ZNF804B: variants seen among roughly 807,000 people sequenced by gnomAD.
The protein encoded by ZNF804B is zinc finger 804B.
ZNF804B carries 80 observed loss-of-function variants against 101.4 expected under a neutral mutation model. The observed-to-expected ratio is 0.79, with a 90% CI of 0.66 to 0.95. The LOEUF (loss-of-function observed/expected upper bound fraction) is 0.95. Ranked by LOEUF, ZNF804B falls within the 40% of genes least tolerant of loss-of-function variation. The pLI, the probability that ZNF804B is intolerant of heterozygous loss-of-function variation, is 0.00. For missense variants in ZNF804B, 1,673 were observed against 1,561.9 expected (o/e 1.07, Z -1.20); for synonymous variants, 622 against 558.8 (o/e 1.11, Z -1.59).
chr7:89,067,174 G>C (rs186947604), intron 1 of ZNF804B, among the ~76,000 whole-genome samples: 1 of 152,182 alleles, frequency 6.6e-6, no homozygotes, highest in Admixed American at 6.6e-5. Context: ...TGTATTATAA[G>C]GAATTGGCTT....
chr7:88,907,926 C>A (rs555095346), intron 1 of ZNF804B, among the ~76,000 whole-genome samples: 89 of 152,000 alleles, frequency 5.9e-4, no homozygotes, highest in African/African-American at 2.1e-3. Context: ...ACTGTATTGA[C>A]TATTTGACTA....
intron 1 of ZNF804B, among the ~76,000 whole-genome samples, chr7:88,782,107 G>A (rs1023371700): frequency 2.0e-5 from 2 of 97,952 alleles, no homozygotes; most frequent in East Asian, 4.3e-4. Context: ...GAGTGCGTGT[G>A]TGTGTGTGTG....
chr7:89,098,751 A>T (rs1790007908), intron 1 of ZNF804B, among the ~76,000 whole-genome samples: 1 of 152,112 alleles, frequency 6.6e-6, no homozygotes, highest in South Asian at 2.1e-4. Flanking sequence ...AAAACTTGTC[A>T]TTCCTTATTT....
intron 1 of ZNF804B, among the ~76,000 whole-genome samples, chr7:89,132,830 A>G (rs1790573984): frequency 6.6e-6 from 1 of 152,042 alleles, no homozygotes; most frequent in Non-Finnish European, 1.5e-5. Flanking sequence ...CCTAGGCTCA[A>G]TGCTTCGTGT....
intron 1 of ZNF804B, among the ~76,000 whole-genome samples, chr7:88,903,331 C>T (rs1214158283): frequency 6.6e-6 from 1 of 152,080 alleles, no homozygotes; most frequent in Non-Finnish European, 1.5e-5. Context: ...ATCTGTACCA[C>T]GTTTTCTTTA....
At chr7:89,108,824 C>T (rs545266957) in intron 1 of ZNF804B, among the ~76,000 whole-genome samples, 24 of 152,094 alleles carry the variant, frequency 1.6e-4, no homozygotes, top group Admixed American at 1.2e-3. Context: ...AGCAAAAGGG[C>T]AAGAGTTAGA....
chr7:89,281,181 T>C (rs1790088559), intron 2 of ZNF804B, among the ~76,000 whole-genome samples: 1 of 152,176 alleles, frequency 6.6e-6, no homozygotes, highest in Non-Finnish European at 1.5e-5. Context: ...TTGCTATAGA[T>C]GATAAGTTGG....
At chr7:89,136,497 G>A (rs1305236498) in intron 1 of ZNF804B, among the ~76,000 whole-genome samples, 1 of 151,812 alleles carries the variant, frequency 6.6e-6, no homozygotes, top group Non-Finnish European at 1.5e-5. Context: ...CTGAAACTCT[G>A]GATTCATAAT....
intron 2 of ZNF804B, among the ~76,000 whole-genome samples, chr7:89,242,156 G>T (rs938209641): frequency 5.3e-5 from 8 of 151,742 alleles, no homozygotes; most frequent in Admixed American, 4.6e-4. Flanking sequence ...TGATGAGGCT[G>T]GGTTATTTAT....
At position 88,886,398 on chromosome 7, in the gene ZNF804B, CT is replaced by C. The variant is rs1288058029; in HGVS notation, c.108+126315del. On this transcript the variant is annotated intron_variant, in intron 1 of 3. Coordinates refer to ENST00000333190, the MANE Select transcript of ZNF804B (RefSeq NM_181646.5). ...ATGAAGTAATCTTTACAACAAACCCCTGTGACATGAGTTTACCTATGTAACG... is the reference window on the plus strand; with the variant it reads ...ATGAAGTAATCTTTACAACAAACCCCGTGACATGAGTTTACCTATGTAACG... Among the ~76,000 whole-genome samples, 5 of 152,044 alleles carry C rather than the reference CT, an allele frequency of 3.3e-5. No individual in the cohort carries two copies. In the South Asian group the frequency reaches 1.0e-3, roughly 31 times the overall value.
intron 1 of ZNF804B, chr7:88,794,358 T>C: frequency 6.2e-7 from 1 of 1,613,938 alleles, no homozygotes; most frequent in Non-Finnish European, 8.5e-7. Flanking sequence ...TATCGCCTGG[T>C]CCTTTAGTGC....
At chr7:89,316,909 C>A (rs528558327) in intron 2 of ZNF804B, among the ~76,000 whole-genome samples, 8 of 152,074 alleles carry the variant, frequency 5.3e-5, no homozygotes, top group Non-Finnish European at 1.0e-4. Flanking sequence ...CAAGGAAAAC[C>A]CTCCCACATT....
intron 1 of ZNF804B, among the ~76,000 whole-genome samples, chr7:89,119,133 C>A (rs1181784354): frequency 6.6e-6 from 1 of 152,090 alleles, no homozygotes; most frequent in Non-Finnish European, 1.5e-5. Context: ...ACTGGGCTAG[C>A]CCCTTGACCT....
intron 1 of ZNF804B, among the ~76,000 whole-genome samples, chr7:88,986,751 A>C (rs1314817991): frequency 6.6e-6 from 1 of 152,102 alleles, no homozygotes; most frequent in African/African-American, 2.4e-5. Context: ...CTATTTCTAG[A>C]TCTTTGTGTA....
Position 89,162,343 on chromosome 7 carries a change from A to G in ZNF804B, c.109-55812A>G, listed in dbSNP as rs183524261. On this transcript the variant is annotated intron_variant, in intron 1 of 3. Coordinates refer to ENST00000333190, the MANE Select transcript of ZNF804B (RefSeq NM_181646.5). ...GATTGAAAATGACTATGAAGATACC[A>G]TCTAACTGTGTAGTTTTTCCAAATG... is the stretch of plus-strand genomic sequence containing the variant. Among the ~76,000 whole-genome samples, 225 of 152,320 alleles carry G rather than the reference A, an allele frequency of 1.5e-3. 2 individuals are homozygous for G. Among genetic ancestry groups the G allele is most frequent in the Middle Eastern group, 3.4e-3 (1 of 294 alleles).
intron 1 of ZNF804B, among the ~76,000 whole-genome samples, chr7:89,194,116 C>G (rs28883285): frequency 0.74 from 111,892 of 151,158 alleles, 42,540 homozygotes; most frequent in African/African-American, 0.87. Flanking sequence ...GTCTTCTTTT[C>G]AGAAGTGTCT....
chr7:88,772,120 T>C (rs1002435792), intron 1 of ZNF804B, among the ~76,000 whole-genome samples: 2 of 152,290 alleles, frequency 1.3e-5, no homozygotes, highest in Admixed American at 1.3e-4. Context: ...GAATTGATCA[T>C]GTATTTTAAA....
intron 2 of ZNF804B, among the ~76,000 whole-genome samples, chr7:89,235,912 A>G (rs1396877346): frequency 4.1e-5 from 6 of 145,490 alleles, no homozygotes; most frequent in African/African-American, 1.6e-4. Flanking sequence ...TATTAACATT[A>G]AAATAAGATA....
intron 1 of ZNF804B, among the ~76,000 whole-genome samples, chr7:89,081,811 A>C (rs1789702492): frequency 6.6e-6 from 1 of 151,762 alleles, no homozygotes; most frequent in South Asian, 2.1e-4. Flanking sequence ...TCAATGACCT[A>C]TGAAAAGCAA....
Sources: allele counts gnomAD v4.1 joint callset (sites outside exome capture counted in the v4.1 genomes callset), GRCh38; gene constraint gnomAD v4.1.1; transcripts MANE v1.5; gene names NCBI Gene and HGNC (gene_info 2026-07-23, HGNC 2026-07-21).